ABCD3: variants seen among roughly 807,000 people sequenced by gnomAD.
ABCD3 encodes the protein ATP binding cassette subfamily D member 3.
ABCD3 carries 41 observed loss-of-function variants against 105.5 expected under a neutral mutation model. The observed-to-expected ratio is 0.39, with a 90% CI of 0.30 to 0.50. The LOEUF is 0.50. ABCD3 is among the 20% of genes least tolerant of loss of function. ABCD3 has a pLI of 0.84. For synonymous variants in ABCD3, 258 were observed against 269.0 expected (o/e 0.96, Z 0.40); for missense variants, 622 against 806.3 (o/e 0.77, Z 2.77).
At position 94,498,711 on chromosome 1, in the gene ABCD3, T is replaced by C. The variant is rs112404331; in HGVS notation, c.1464+32T>C. 1.8e-3 allele frequency: 2,836 copies of C among 1,613,522 alleles called. 49 individuals carry two copies. In the African/African-American group the frequency reaches 0.035, roughly 20 times the overall value. On this transcript the variant is annotated intron_variant, in intron 17 of 22. Transcript: ENST00000370214. ...ACAAGTTGGCCTCAAAATTTTGCAG[T>C]CTTATTTTGCCATACTGTCTACCAC...
At chr1:94,489,171 G>T (rs1350132050) in intron 13 of ABCD3, among the ~76,000 whole-genome samples, 2 of 151,872 alleles carry the variant, frequency 1.3e-5, no homozygotes, top group African/African-American at 4.8e-5. Flanking sequence ...CGTTAGTTTT[G>T]ATTTTTCTCT....
chr1:94,418,972 C>G, intron 1 of ABCD3: 1 of 265,490 alleles, frequency 3.8e-6, no homozygotes, highest in Non-Finnish European at 7.3e-6. Context: ...GTTTTGCCAT[C>G]TCATCTTCAG....
intron 1 of ABCD3, 140 bp downstream of exon 1, chr1:94,418,728 T>G: frequency 3.5e-6 from 3 of 848,696 alleles, no homozygotes; most frequent in African/African-American, 1.7e-5. Flanking sequence ...GCCGTGGGAC[T>G]TCAATGTCAG....
intron 1 of ABCD3, among the ~76,000 whole-genome samples, chr1:94,449,711 T>C (rs1195054654): frequency 6.6e-6 from 1 of 152,190 alleles, no homozygotes; most frequent in African/African-American, 2.4e-5. Flanking sequence ...GGAATCATTA[T>C]TGATTGGTCC....
the ABCD3 span, among the ~76,000 whole-genome samples, chr1:94,406,011 A>G: frequency 6.6e-6 from 1 of 152,072 alleles, no homozygotes; most frequent in Non-Finnish European, 1.5e-5. Flanking sequence ...TATCTAGATT[A>G]CAGAGGTATT....
At chr1:94,510,435 G>A (rs1271736333) in intron 21 of ABCD3, among the ~76,000 whole-genome samples, 1 of 152,182 alleles carries the variant, frequency 6.6e-6, no homozygotes, top group Non-Finnish European at 1.5e-5. Context: ...TGGAATAGGT[G>A]TGGTGTGGTG....
chr1:94,421,528 C>T (rs1373853607), intron 1 of ABCD3, among the ~76,000 whole-genome samples: 1 of 151,100 alleles, frequency 6.6e-6, no homozygotes, highest in African/African-American at 2.4e-5. Flanking sequence ...GTGTCTATTT[C>T]AGAATGTTAT....
intron 1 of ABCD3, among the ~76,000 whole-genome samples, chr1:94,439,964 C>T (rs1660073843): frequency 6.6e-6 from 1 of 152,142 alleles, no homozygotes. Context: ...GAACTCCTGG[C>T]CTCAAGTGAT....
Position 94,487,809 on chromosome 1 carries a change from C to A in ABCD3, c.1065+18C>A. ...TTCTAGAGGTAAACTGATGATAATA[C>A]AATGAAAATGTAACAGTAAAAATAA... On this transcript the variant is annotated intron_variant, in intron 12 of 22. Transcript: ENST00000370214. 6.2e-7 allele frequency: 1 copy of A among 1,611,888 alleles called. No individual in the cohort carries two copies. Among genetic ancestry groups the A allele is most frequent in the Non-Finnish European group, 8.5e-7 (1 of 1,178,178 alleles).
intron 1 of ABCD3, among the ~76,000 whole-genome samples, chr1:94,438,092 T>C (rs556895106): frequency 6.1e-4 from 92 of 151,908 alleles, no homozygotes; most frequent in African/African-American, 2.1e-3. Flanking sequence ...ATCGAGACCA[T>C]CCTGGCCAAC....
chr1:94,385,814 T>G, the ABCD3 span, among the ~76,000 whole-genome samples: 1 of 152,134 alleles, frequency 6.6e-6, no homozygotes, highest in Admixed American at 6.5e-5. Context: ...TTCTCATAAA[T>G]GGTGCGGAGA....
At chr1:94,398,798 C>A in the ABCD3 span, among the ~76,000 whole-genome samples, 2 of 152,060 alleles carry the variant, frequency 1.3e-5, no homozygotes, top group African/African-American at 4.8e-5. Context: ...CCTGTTATTC[C>A]AGCTACTCTG....
intron 1 of ABCD3, among the ~76,000 whole-genome samples, chr1:94,457,808 C>T (rs936323337): frequency 1.3e-5 from 2 of 152,174 alleles, no homozygotes; most frequent in South Asian, 2.1e-4. Context: ...AACCTGATTT[C>T]TCTGCCTTCC....
upstream of ABCD3, among the ~76,000 whole-genome samples, chr1:94,417,050 A>C (rs1253069534): frequency 6.6e-6 from 1 of 152,188 alleles, no homozygotes; most frequent in Non-Finnish European, 1.5e-5. Flanking sequence ...ATACACATTA[A>C]ATTTGTATGC....
intron 1 of ABCD3, 144 bp downstream of exon 1, chr1:94,418,732 A>C: frequency 2.3e-5 from 18 of 785,584 alleles, no homozygotes; most frequent in Non-Finnish European, 3.5e-5. Context: ...TGGGACTTCA[A>C]TGTCAGGGTG....
intron 10 of ABCD3, among the ~76,000 whole-genome samples, chr1:94,484,023 A>C (rs1649160051): frequency 6.6e-6 from 1 of 152,276 alleles, no homozygotes; most frequent in African/African-American, 2.4e-5. Flanking sequence ...TATGCAGCCA[A>C]CAGACACGTG....
At chr1:94,469,126 C>A (rs1648314928) in intron 4 of ABCD3, among the ~76,000 whole-genome samples, 1 of 152,164 alleles carries the variant, frequency 6.6e-6, no homozygotes, top group South Asian at 2.1e-4. Context: ...TCACAACTGT[C>A]ATTACGTGGA....
chr1:94,509,498 C>G (rs1650548342), intron 21 of ABCD3, among the ~76,000 whole-genome samples: 1 of 152,160 alleles, frequency 6.6e-6, no homozygotes, highest in African/African-American at 2.4e-5. Flanking sequence ...TGATGCTGGC[C>G]TCATGAAATG....
At chr1:94,453,790 C>T (rs184979691) in intron 1 of ABCD3, among the ~76,000 whole-genome samples, 103 of 148,398 alleles carry the variant, frequency 6.9e-4, no homozygotes, top group African/African-American at 1.9e-3. Context: ...CAGATTGTCT[C>T]GTGATTTATT....
Sources: gnomAD v4.1 joint callset for allele counts (sites outside exome capture counted in the v4.1 genomes callset) on GRCh38, gnomAD v4.1.1 for gene constraint, MANE v1.5 for transcripts, NCBI Gene and HGNC (gene_info 2026-07-23, HGNC 2026-07-21) for gene names.